ERC2: variants seen among roughly 807,000 people sequenced by gnomAD.
ERC2 encodes the protein ELKS/RAB6-interacting/CAST family member 2, also known as ERC protein 2.
In ERC2, 42 loss-of-function variants were observed where a neutral mutation model predicts 114.8. That is an observed-to-expected ratio of 0.37 (90% CI 0.29 to 0.47). ERC2 has a LOEUF of 0.47. ERC2 is among the 20% of genes least tolerant of loss of function. The pLI is 0.99. For missense variants in ERC2, 939 were observed against 1,150.7 expected (o/e 0.82, Z 2.66); for synonymous variants, 454 against 425.5 (o/e 1.07, Z -0.82).
At chr3:55,648,868 C>G (rs973903963) in intron 17 of ERC2, among the ~76,000 whole-genome samples, 4 of 151,946 alleles carry the variant, frequency 2.6e-5, no homozygotes, top group African/African-American at 4.8e-5. Context: ...CAGAAGACAG[C>G]TTTTTTGTGA....
chr3:56,298,008 G>A (rs894744450), intron 2 of ERC2, among the ~76,000 whole-genome samples: 25 of 152,260 alleles, frequency 1.6e-4, no homozygotes, highest in East Asian at 1.3e-3. Flanking sequence ...GCCTCTCAGG[G>A]TATTGAATGC....
chr3:55,898,223 A>G (rs1260787683), intron 13 of ERC2, among the ~76,000 whole-genome samples: 4 of 152,150 alleles, frequency 2.6e-5, no homozygotes, highest in Admixed American at 2.0e-4. Flanking sequence ...TCCAGATGGG[A>G]TTGGGCTCAG....
At chr3:55,654,860 C>T (rs530551796) in intron 17 of ERC2, among the ~76,000 whole-genome samples, 28 of 152,338 alleles carry the variant, frequency 1.8e-4, no homozygotes, top group Non-Finnish European at 1.5e-5. Flanking sequence ...GACCTGCTTC[C>T]TTCCTCTGCC....
At chr3:56,159,167 T>C (rs991716077) in intron 4 of ERC2, among the ~76,000 whole-genome samples, 1 of 152,164 alleles carries the variant, frequency 6.6e-6, no homozygotes, top group African/African-American at 2.4e-5. Context: ...ACCATAATTG[T>C]AAGTTTCCTG....
At chr3:56,012,652 C>G (rs562423565) in intron 8 of ERC2, among the ~76,000 whole-genome samples, 107 of 152,298 alleles carry the variant, frequency 7.0e-4, no homozygotes, top group Admixed American at 1.2e-3. Flanking sequence ...TTGCTCTAAG[C>G]ACTCGTACTA....
At position 56,016,883 on chromosome 3, in the gene ERC2, G is replaced by A. The variant is rs150534961; in HGVS notation, c.1779+2011C>T. ...TACTTCATTACCCCAGAGTTTATAGGCTACTGTAACAGGGAATATAGGAGA... is the reference window on the plus strand; with the variant it reads ...TACTTCATTACCCCAGAGTTTATAGACTACTGTAACAGGGAATATAGGAGA... On this transcript the variant is annotated intron_variant, in intron 8 of 17. Transcript: ENST00000288221. Among the ~76,000 whole-genome samples, 319 of 152,178 alleles carry A rather than the reference G, an allele frequency of 2.1e-3. 2 individuals carry two copies. Among genetic ancestry groups the A allele is most frequent in the Non-Finnish European group, 2.6e-3 (174 of 67,994 alleles).
At chr3:56,168,806 C>T (rs568791438) in intron 4 of ERC2, among the ~76,000 whole-genome samples, 27 of 152,320 alleles carry the variant, frequency 1.8e-4, no homozygotes, top group Admixed American at 1.5e-3. Flanking sequence ...GGCACAAAGA[C>T]AAAGTGAAGT....
At position 56,413,924 on chromosome 3, in the gene ERC2, G is replaced by T. The variant is rs921354407; in HGVS notation, c.657+20427C>A. Among the ~76,000 whole-genome samples, 13 of 152,276 alleles carry T rather than the reference G, an allele frequency of 8.5e-5. No homozygotes were observed. In the East Asian group the frequency reaches 2.5e-3, roughly 29 times the overall value. On this transcript the variant is annotated intron_variant, in intron 2 of 17. Coordinates refer to ENST00000288221, the MANE Select transcript of ERC2 (RefSeq NM_015576.3). ...TGCACCCATAGAAACCACAGCCCTTGTCTGATCACTTCTACCCCAATATAA... is the reference window on the plus strand; with the variant it reads ...TGCACCCATAGAAACCACAGCCCTTTTCTGATCACTTCTACCCCAATATAA...
chr3:55,973,386 G>C (rs1241939252), intron 12 of ERC2, among the ~76,000 whole-genome samples: 1 of 152,210 alleles, frequency 6.6e-6, no homozygotes, highest in Non-Finnish European at 1.5e-5. Flanking sequence ...GTAGTGGGAG[G>C]ATGAGTGAAA....
At chr3:56,065,120 A>G (rs1233045173) in intron 7 of ERC2, among the ~76,000 whole-genome samples, 1 of 152,246 alleles carries the variant, frequency 6.6e-6, no homozygotes, top group Non-Finnish European at 1.5e-5. Context: ...CTAAAATACT[A>G]CAATCTGAAA....
intron 3 of ERC2, among the ~76,000 whole-genome samples, chr3:56,237,232 C>T (rs984062309): frequency 6.6e-6 from 1 of 152,160 alleles, no homozygotes; most frequent in South Asian, 2.1e-4. Context: ...GTGGAGATCT[C>T]CATCATGCCA....
chr3:56,334,564 T>C (rs962636793), intron 2 of ERC2, among the ~76,000 whole-genome samples: 12 of 152,306 alleles, frequency 7.9e-5, no homozygotes, highest in African/African-American at 2.6e-4. Flanking sequence ...AAACATATAA[T>C]ATTAAATTAG....
At chr3:55,712,592 T>C (rs1418368046) in intron 15 of ERC2, among the ~76,000 whole-genome samples, 4 of 152,180 alleles carry the variant, frequency 2.6e-5, no homozygotes, top group Non-Finnish European at 5.9e-5. Flanking sequence ...CAAACAAGAC[T>C]TCTCTTTGTA....
At chr3:56,049,051 A>AG (rs1263312643) in intron 7 of ERC2, among the ~76,000 whole-genome samples, 1 of 152,144 alleles carries the variant, frequency 6.6e-6, no homozygotes, top group East Asian at 1.9e-4. Flanking sequence ...AAATGGCCAA[A>AG]GGGGGGCAGG....
At chr3:55,550,794 A>G (rs2055118730) in intron 17 of ERC2, among the ~76,000 whole-genome samples, 1 of 152,184 alleles carries the variant, frequency 6.6e-6, no homozygotes, top group African/African-American at 2.4e-5. Context: ...AGGCGGGCAG[A>G]TCACGAGGTC....
At chr3:56,451,938 G>A (rs897172964) in intron 1 of ERC2, among the ~76,000 whole-genome samples, 2 of 152,204 alleles carry the variant, frequency 1.3e-5, no homozygotes, top group African/African-American at 4.8e-5. Flanking sequence ...GTGATAGAGT[G>A]TGGTCTCAGA....
chr3:56,439,048 A>G (rs2062162069), intron 1 of ERC2, among the ~76,000 whole-genome samples: 1 of 152,218 alleles, frequency 6.6e-6, no homozygotes, highest in Non-Finnish European at 1.5e-5. Context: ...TGCTAGTATC[A>G]TAGATAGATT....
At chr3:56,123,728 C>T (rs1217037159) in intron 6 of ERC2, among the ~76,000 whole-genome samples, 1 of 152,168 alleles carries the variant, frequency 6.6e-6, no homozygotes, top group African/African-American at 2.4e-5. Flanking sequence ...CCATCCACCC[C>T]TTTGCTTAAA....
In ERC2 at chr3:55,511,188, T is replaced by C. The variant is rs2052040857; in HGVS notation, c.*128A>G. ...AGTTCTGATGAGCCGCTCCAGGTGG[T>C]GGTGGACAGTGATGTGAGCCGCACT... On this transcript the variant is annotated 3_prime_UTR_variant, in exon 18 of 18. Coordinates refer to ENST00000288221, the MANE Select transcript of ERC2 (RefSeq NM_015576.3). The C allele has an allele frequency of 6.6e-6, 1 of 152,600 alleles. No homozygotes were observed. Among genetic ancestry groups the C allele is most frequent in the Non-Finnish European group, 1.5e-5 (1 of 68,060 alleles). 9.5% of individuals were successfully genotyped at this position (152,600 alleles called of 1,614,324 possible).
Sources: gnomAD v4.1 joint callset for allele counts (sites outside exome capture counted in the v4.1 genomes callset) on GRCh38, gnomAD v4.1.1 for gene constraint, MANE v1.5 for transcripts, NCBI Gene and HGNC (gene_info 2026-07-23, HGNC 2026-07-21) for gene names.